The following TTLL2 variants were observed in gnomAD, a reference collection of about 807,000 sequenced individuals.
TTLL2 encodes probable tubulin polyglutamylase TTLL2.
Under a neutral mutation model 7.5 loss-of-function variants are expected in TTLL2, and 10 were observed. That is an observed-to-expected ratio of 1.33 (90% CI 0.82 to 2.25). TTLL2 has a LOEUF of 2.25. Among genes scored for constraint, TTLL2 ranks in the 30% most tolerant of loss-of-function variants. The pLI is 0.00. For synonymous variants in TTLL2, 284 were observed against 280.3 expected (o/e 1.01, Z -0.13); for missense variants, 733 against 735.7 (o/e 1.00, Z 0.04).
chr6:167,340,665 T>C lies in TTLL2; in HGVS notation c.765T>C (p.Asp255=), dbSNP rs1779071719. 3.1e-6 allele frequency: 5 copies of C among 1,614,180 alleles called. No homozygotes were observed. The highest frequency in any genetic ancestry group is 1.1e-5 in the South Asian group (1 of 91,076). Residue 255 remains aspartate (D), a synonymous_variant, in exon 3 of 3, where the codon GAT becomes GAC. Coordinates refer to ENST00000239587, the MANE Select transcript of TTLL2 (RefSeq NM_031949.5). ...TACTTATTGGCAGATATAAATGTGA[T>C]CTCCGCATCTATGTTTGTGTTACTG... ...NPLLIGRYKC[D]LRIYVCVTGF...
At chr6:167,338,399 C>T (rs1274163621) in intron 1 of TTLL2, among the ~76,000 whole-genome samples, 1 of 151,982 alleles carries the variant, frequency 6.6e-6, no homozygotes, top group Non-Finnish European at 1.5e-5. Context: ...ACACAATACA[C>T]ACAACATGCA....
At position 167,340,503 on chromosome 6, in the gene TTLL2, G is replaced by T. The variant is rs756142646; in HGVS notation, c.603G>T (p.Met201Ile). 1.4e-5 allele frequency: 23 copies of T among 1,614,058 alleles called. No homozygotes were observed. Among genetic ancestry groups the T allele is most frequent in the Non-Finnish European group, 1.9e-5 (23 of 1,180,048 alleles). ...FVAEYFQERQMLGTKHSYWIC... is the reference protein window; with the variant it reads ...FVAEYFQERQILGTKHSYWIC... ...CTGAATACTTTCAGGAGAGGCAGATGCTGGGCACCAAGCATAGCTATTGGA... is the reference window on the plus strand; with the variant it reads ...CTGAATACTTTCAGGAGAGGCAGATTCTGGGCACCAAGCATAGCTATTGGA... Residue 201 changes from methionine (M) to isoleucine (I), a missense_variant, in exon 3 of 3, where the codon ATG becomes ATT. Met to Ile is a conservative substitution (Grantham distance 10). Coordinates refer to ENST00000239587, the MANE Select transcript of TTLL2 (RefSeq NM_031949.5).
chr6:167,333,789 T>A (rs1778951360), intron 1 of TTLL2, among the ~76,000 whole-genome samples: 1 of 120,504 alleles, frequency 8.3e-6, no homozygotes, highest in African/African-American at 3.4e-5. Context: ...GGTGGTGATA[T>A]CCCCTTTATC....
intron 1 of TTLL2, among the ~76,000 whole-genome samples, chr6:167,331,902 G>A (rs958827427): frequency 1.1e-4 from 16 of 152,126 alleles, no homozygotes; most frequent in South Asian, 2.1e-4. Flanking sequence ...TTGTTCTGAC[G>A]ACGAGGCACC....
chr6:167,325,882 G>A (rs1216919685), intron 1 of TTLL2, among the ~76,000 whole-genome samples: 3 of 152,178 alleles, frequency 2.0e-5, no homozygotes, highest in African/African-American at 7.2e-5. Context: ...GGCTGAGGAG[G>A]GTGGGCTGAA....
rs59471721 is a variant in TTLL2 at position 167,338,598 on chromosome 6, T to C, written c.48-49T>C. 6,235 of 1,570,894 alleles carry C rather than the reference T, an allele frequency of 4.0e-3. 220 individuals carry two copies. In the African/African-American group the frequency reaches 0.075, roughly 19 times the overall value. On this transcript the variant is annotated intron_variant, in intron 1 of 2. Transcript: ENST00000239587. ...TGTATGTTCCTTATTAAAGCAACAG[T>C]GACAAGGGAGATGCTGTGTGTTCAT...
In TTLL2 at chr6:167,340,088, C is replaced by T; in HGVS notation, c.205-17C>T. On this transcript the variant is annotated splice_polypyrimidine_tract_variant and intron_variant, in intron 2 of 2. Transcript: ENST00000239587. ...TCTTGACCACTCTCCTAACCTTTCT[C>T]AATGATCCATTTTTAGAAAAAACCT... The T allele has an allele frequency of 1.3e-6, 2 of 1,556,388 alleles. No homozygotes were observed. Among genetic ancestry groups the T allele is most frequent in the Non-Finnish European group, 1.7e-6 (2 of 1,154,016 alleles).
intron 1 of TTLL2, among the ~76,000 whole-genome samples, chr6:167,325,483 T>C (rs1778837296): frequency 6.6e-6 from 1 of 152,190 alleles, no homozygotes; most frequent in South Asian, 2.1e-4. Context: ...GTGCCAGTTA[T>C]ATAAGAGTGA....
chr6:167,325,298 G>C (rs1778835120), intron 1 of TTLL2, 78 bp downstream of exon 1: 1 of 1,379,882 alleles, frequency 7.2e-7, no homozygotes, highest in Non-Finnish European at 9.7e-7. Flanking sequence ...CCCTTCCCGA[G>C]AGCACAGGGG....
At chr6:167,333,957 A>T in intron 1 of TTLL2, among the ~76,000 whole-genome samples, 2 of 67,972 alleles carry the variant, frequency 2.9e-5, no homozygotes, top group African/African-American at 1.5e-4. Context: ...TTCTGCTCTG[A>T]TTTTAGTTAT....
Position 167,338,721 on chromosome 6 carries a change from C to A in TTLL2, c.122C>A (p.Ala41Glu). ...SEANHTEQPPAGLGARLQEAG... is the reference protein window; with the variant it reads ...SEANHTEQPPEGLGARLQEAG... ...GCAAACCACACTGAGCAGCCGCCTGCAGGCCTGGGAGCAAGGCTACAGGAA... is the reference window on the plus strand; with the variant it reads ...GCAAACCACACTGAGCAGCCGCCTGAAGGCCTGGGAGCAAGGCTACAGGAA... Residue 41 changes from alanine (A) to glutamate (E), a missense_variant, in exon 2 of 3, where the codon GCA becomes GAA. By Grantham distance (107) the Ala-to-Glu change is moderately radical. Coordinates refer to ENST00000239587, the MANE Select transcript of TTLL2 (RefSeq NM_031949.5). 1 of 1,614,156 alleles carries A rather than the reference C, an allele frequency of 6.2e-7. No individual in the cohort carries two copies. The highest frequency in any genetic ancestry group is 8.5e-7 in the Non-Finnish European group (1 of 1,180,002).
intron 1 of TTLL2, among the ~76,000 whole-genome samples, chr6:167,332,057 T>C (rs530944540): frequency 6.6e-6 from 1 of 152,254 alleles, no homozygotes; most frequent in South Asian, 2.1e-4. Flanking sequence ...AAACCTTAGA[T>C]AAATTAAATG....
intron 1 of TTLL2, among the ~76,000 whole-genome samples, chr6:167,329,436 G>A (rs58797211): frequency 6.6e-6 from 1 of 152,002 alleles, no homozygotes; most frequent in East Asian, 1.9e-4. Context: ...CCCGGAGAGC[G>A]GTTTTAGTTG....
rs557136962 is a variant in TTLL2, at chr6:167,340,963, G to A, written c.1063G>A (p.Ala355Thr). 13 of 1,613,846 alleles carry A rather than the reference G, an allele frequency of 8.1e-6. No homozygotes were observed. The highest frequency in any genetic ancestry group is 2.7e-5 in the African/African-American group (2 of 74,842). Residue 355 changes from alanine (A) to threonine (T), a missense_variant, in exon 3 of 3, where the codon GCC becomes ACC. Ala to Thr is a moderately conservative substitution (Grantham distance 58). Transcript: ENST00000239587. Reference protein sequence around the residue: ...IHRMVILTILAIAPSVPFAAN... With the variant: ...IHRMVILTILTIAPSVPFAAN... ...CCGCATGGTTATTCTCACCATTCTC[G>A]CCATTGCACCATCTGTCCCCTTTGC...
rs1331266451 is a variant in TTLL2 at position 167,340,157 on chromosome 6, C to A, written c.257C>A (p.Pro86Gln). The A allele has an allele frequency of 4.4e-6, 7 of 1,606,560 alleles. No individual in the cohort carries two copies. The highest frequency in any genetic ancestry group is 1.7e-5 in the Admixed American group (1 of 58,938). ...GAACCTTCAGGGGCCCTCTTGAAGC[C>A]GCTGGTTTTTCGCGTTGACGAGACC... is the stretch of plus-strand genomic sequence containing the variant. ...EDEPSGALLK[P>Q]LVFRVDETTP... Residue 86 changes from proline to glutamine, a missense_variant, in exon 3 of 3, where the codon CCG (proline) becomes CAG (glutamine). Physicochemically the swap from Pro to Gln is moderately conservative, Grantham distance 76 (BLOSUM62 -1). Transcript: ENST00000239587.
intron 1 of TTLL2, among the ~76,000 whole-genome samples, chr6:167,326,989 G>A (rs756696636): frequency 2.1e-4 from 32 of 152,140 alleles, no homozygotes; most frequent in Non-Finnish European, 4.6e-4. Context: ...CCCATAGAGG[G>A]TCTGGGGACC....
intron 1 of TTLL2, among the ~76,000 whole-genome samples, chr6:167,332,308 A>T (rs759480839): frequency 6.6e-6 from 1 of 152,172 alleles, no homozygotes; most frequent in Non-Finnish European, 1.5e-5. Flanking sequence ...TAGTGTGCTA[A>T]TCACTACTTG....
At position 167,338,668 on chromosome 6, in the gene TTLL2, A is replaced by G. The variant is rs751812731; in HGVS notation, c.69A>G (p.Pro23=). The G allele has an allele frequency of 1.2e-6, 2 of 1,613,750 alleles. No homozygotes were observed. Among genetic ancestry groups the G allele is most frequent in the Non-Finnish European group, 1.7e-6 (2 of 1,179,782 alleles). The change falls in exon 2 of 3, where the codon CCA becomes CCG. Residue 23 remains proline (P), a synonymous_variant. Coordinates refer to ENST00000239587, the MANE Select transcript of TTLL2 (RefSeq NM_031949.5). ...ACAGATCTTTGAGAACCACCACCCC[A>G]GCCTTTACCCTTAACATTCCATCCG... ...QALGSLRTTT[P]AFTLNIPSEA...
At chr6:167,335,531 T>C (rs1354606319) in intron 1 of TTLL2, among the ~76,000 whole-genome samples, 426 of 144,750 alleles carry the variant, frequency 2.9e-3, no homozygotes, top group Non-Finnish European at 4.2e-3. Context: ...CGTATGTTTA[T>C]TGCGGCATTA....
Sources: gnomAD v4.1 joint callset for allele counts (sites outside exome capture counted in the v4.1 genomes callset) on GRCh38, gnomAD v4.1.1 for gene constraint, MANE v1.5 for transcripts, NCBI Gene and HGNC (gene_info 2026-07-23, HGNC 2026-07-21) for gene names.